The following KDF1 variants were observed in gnomAD, a reference collection of about 807,000 sequenced individuals.
The protein encoded by KDF1 is keratinocyte differentiation factor 1.
In KDF1, 11 loss-of-function variants were observed where a neutral mutation model predicts 31.6. The ratio of observed to expected loss-of-function variants is 0.35; its 90% CI spans 0.22 to 0.58. The LOEUF (loss-of-function observed/expected upper bound fraction) is 0.58. Ranked by LOEUF, KDF1 falls within the 20% of genes least tolerant of loss-of-function variation. The pLI, the probability that KDF1 is intolerant of heterozygous loss-of-function variation, is 0.83. For synonymous variants in KDF1, 205 were observed against 214.4 expected (o/e 0.96, Z 0.38); for missense variants, 476 against 549.1 (o/e 0.87, Z 1.33).
At chr1:26,955,890 G>A (rs1020719939) in intron 1 of KDF1, among the ~76,000 whole-genome samples, 2 of 152,222 alleles carry the variant, frequency 1.3e-5, no homozygotes, top group Non-Finnish European at 2.9e-5. Flanking sequence ...GGGAGGCGGA[G>A]GTTGCAGTGA....
At chr1:26,959,588 C>T (rs957245565) in intron 1 of KDF1, among the ~76,000 whole-genome samples, 2 of 152,104 alleles carry the variant, frequency 1.3e-5, no homozygotes, top group African/African-American at 4.8e-5. Flanking sequence ...TCTAAGGCAC[C>T]GCAAGGATGT....
chr1:26,955,640 A>C (rs1226966427), intron 1 of KDF1, among the ~76,000 whole-genome samples: 2 of 152,200 alleles, frequency 1.3e-5, no homozygotes, highest in Non-Finnish European at 1.5e-5. Context: ...ATGGTTTTGC[A>C]GGGAAAACAG....
At chr1:26,958,780 G>C (rs1019203449) in intron 1 of KDF1, among the ~76,000 whole-genome samples, 3 of 152,190 alleles carry the variant, frequency 2.0e-5, no homozygotes, top group Non-Finnish European at 2.9e-5. Flanking sequence ...GAGAGCCCAT[G>C]TTGGGAGCCC....
intron 1 of KDF1, among the ~76,000 whole-genome samples, chr1:26,959,631 C>T (rs1012642009): frequency 1.3e-5 from 2 of 151,974 alleles, no homozygotes; most frequent in African/African-American, 4.8e-5. Context: ...GCCCGCCCTC[C>T]CTGGATTTCT....
At chr1:26,953,012 A>C (rs1237179575) in intron 1 of KDF1, among the ~76,000 whole-genome samples, 1 of 152,020 alleles carries the variant, frequency 6.6e-6, no homozygotes, top group Admixed American at 6.6e-5. Flanking sequence ...AAAAGAAAAA[A>C]AGAAAGGTTG....
intron 1 of KDF1, among the ~76,000 whole-genome samples, chr1:26,954,011 A>C (rs2082365394): frequency 6.6e-6 from 1 of 151,892 alleles, no homozygotes; most frequent in Admixed American, 6.6e-5. Context: ...ACATCTCTAG[A>C]ATAGTCAAAT....
intron 1 of KDF1, among the ~76,000 whole-genome samples, chr1:26,957,934 C>A (rs2082384217): frequency 6.6e-6 from 1 of 151,782 alleles, no homozygotes. Context: ...CATGCCTCAG[C>A]CTCCTGAGTA....
In KDF1 at chr1:26,950,668, G is replaced by A. The variant is rs756665083; in HGVS notation, c.1114+14C>T. The stretch of plus-strand genomic sequence containing the variant: ...CCCCCACCCTCCACACCCCTCATTA[G>A]GTCAAGACCACACCTGGAGCTCCAT... On this transcript the variant is annotated intron_variant, in intron 3 of 3. Coordinates refer to ENST00000320567, the MANE Select transcript of KDF1 (RefSeq NM_152365.3). This position sits in a 1 kb window ranked among gnomAD's most constrained non-coding sequence, Gnocchi z 4.0. 3.2e-6 allele frequency: 5 copies of A among 1,586,008 alleles called. No homozygotes were observed. The highest frequency in any genetic ancestry group is 3.5e-6 in the Non-Finnish European group (4 of 1,154,704).
Position 26,951,913 on chromosome 1 carries a change from G to T in KDF1, c.468C>A (p.Gly156=), listed in dbSNP as rs957243169. Residue 156 remains glycine (G), a synonymous_variant, in exon 2 of 4, where the codon GGC becomes GGA. Coordinates refer to ENST00000320567, the MANE Select transcript of KDF1 (RefSeq NM_152365.3). This position sits in a 1 kb window ranked among gnomAD's most constrained non-coding sequence, Gnocchi z 5.4. ...TAACATCGGGGTAGCTGAAGCTGCT[G>T]CCCATGGTTGACTTGAGCCGCTGGC... The part of the protein sequence containing the change: ...RDGQRLKSTM[G]SSFSYPDVKL... The T allele has an allele frequency of 1.2e-6, 2 of 1,606,706 alleles. No individual in the cohort carries two copies. The highest frequency in any genetic ancestry group is 2.7e-5 in the African/African-American group (2 of 74,788).
intron 1 of KDF1, among the ~76,000 whole-genome samples, chr1:26,957,861 G>A (rs1017219748): frequency 6.6e-6 from 1 of 152,072 alleles, no homozygotes; most frequent in East Asian, 1.9e-4. Context: ...TGTCACCAAC[G>A]CTGGAGTGCA....
rs1193215684 is a variant in KDF1 at position 26,951,725 on chromosome 1, A to G, written c.656T>C (p.Phe219Ser). The G allele has an allele frequency of 1.2e-6, 2 of 1,613,784 alleles. No homozygotes were observed. Among genetic ancestry groups the G allele is most frequent in the Middle Eastern group, 1.6e-4 (1 of 6,084 alleles). The change falls in exon 2 of 4, where the codon TTC becomes TCC. Residue 219 changes from phenylalanine (F) to serine (S), a missense_variant. Around this residue, in one of 2 missense-constraint regions of KDF1, gnomAD observed 330 missense variants for 332.3 expected, o/e 0.99. Transcript: ENST00000320567. This position sits in a 1 kb window ranked among gnomAD's most constrained non-coding sequence, Gnocchi z 5.4. The stretch of plus-strand genomic sequence containing the variant: ...CGGCAGGTCCAGGTCCGACTCATGG[A>G]AAGAATAGTACTCCTCGGAGCCACG... ...SPRGSEEYYS[F>S]HESDLDLPEM...
intron 1 of KDF1, among the ~76,000 whole-genome samples, chr1:26,958,646 C>A (rs1202041290): frequency 6.6e-6 from 1 of 152,158 alleles, no homozygotes; most frequent in Non-Finnish European, 1.5e-5. Flanking sequence ...TGTCCAAAGC[C>A]ATACATCTAT....
In KDF1 at chr1:26,952,899, G is replaced by A. The variant is rs2082359473; in HGVS notation, c.-32-487C>T. ...CTTGGGAGGCTGAGGCAGGAGAATC[G>A]CTTGAACCCGGGTGGCAGAGGTTGC... On this transcript the variant is annotated intron_variant, in intron 1 of 3. Transcript: ENST00000320567. The surrounding 1 kb of genome is among the most constrained non-coding windows in gnomAD (Gnocchi z 4.1). Among the ~76,000 whole-genome samples, 1 of 151,882 alleles carries A rather than the reference G, an allele frequency of 6.6e-6. No individual in the cohort carries two copies. Among genetic ancestry groups the A allele is most frequent in the Non-Finnish European group, 1.5e-5 (1 of 67,948 alleles).
Position 26,950,078 on chromosome 1 carries a change from C to T in KDF1, c.1188G>A (p.Val396=), listed in dbSNP as rs562989776. 40 of 1,613,750 alleles carry T rather than the reference C, an allele frequency of 2.5e-5. No individual in the cohort carries two copies. In the South Asian group the frequency reaches 3.8e-4, roughly 16 times the overall value. Residue 396 remains valine, a synonymous_variant, in exon 4 of 4, where the codon GTG becomes GTA. Transcript: ENST00000320567. This position sits in a 1 kb window ranked among gnomAD's most constrained non-coding sequence, Gnocchi z 4.0. ...TDSSGAPLLQ[V]YC is the part of the protein sequence containing the mutation. ...CTGGGCCTGGCAGGGGTTAGCAGTACACCTGGAGCAAGGGTGCCCCCGACG... is the reference window on the plus strand; with the variant it reads ...CTGGGCCTGGCAGGGGTTAGCAGTATACCTGGAGCAAGGGTGCCCCCGACG...
At position 26,950,313 on chromosome 1, in the gene KDF1, G is replaced by A. The variant is rs763982830; in HGVS notation, c.1115-162C>T. The stretch of plus-strand genomic sequence containing the variant: ...CCACTCAGTTTATTGACCTCTCTGA[G>A]CCCTAGCCTCCCTTTCTGTAAAAGG... On this transcript the variant is annotated intron_variant, in intron 3 of 3. Coordinates refer to ENST00000320567, the MANE Select transcript of KDF1 (RefSeq NM_152365.3). This position sits in a 1 kb window ranked among gnomAD's most constrained non-coding sequence, Gnocchi z 4.0. Among the ~76,000 whole-genome samples the A allele has an allele frequency of 1.1e-4, 16 of 152,158 alleles. No homozygotes were observed. Among genetic ancestry groups the A allele is most frequent in the Non-Finnish European group, 2.1e-4 (14 of 68,030 alleles).
chr1:26,959,479 T>G (rs1439273216), intron 1 of KDF1, among the ~76,000 whole-genome samples: 2 of 152,104 alleles, frequency 1.3e-5, no homozygotes, highest in African/African-American at 2.4e-5. Flanking sequence ...GACTAGTATC[T>G]TCATGCCCCG....
rs1178922495 is a variant in KDF1, at chr1:26,949,902, C to CCCAGTGAAATGCACATGGT, written c.*148_*166dup. 3.2e-6 allele frequency: 2 copies of CCCAGTGAAATGCACATGGT among 616,028 alleles called. No individual in the cohort carries two copies. Among genetic ancestry groups the CCCAGTGAAATGCACATGGT allele is most frequent in the African/African-American group, 1.8e-5 (1 of 54,142 alleles). 38.2% of individuals were successfully genotyped at this position (616,028 alleles called of 1,614,324 possible). ...ATGCAAGGAGATGTAGATCCCATGG[C>CCCAGTGAAATGCACATGGT]CCAGTGAAATGCACATGGTCCAGGA... On this transcript the variant is annotated 3_prime_UTR_variant, in exon 4 of 4. Coordinates refer to ENST00000320567, the MANE Select transcript of KDF1 (RefSeq NM_152365.3).
chr1:26,958,449 T>C (rs2082387167), intron 1 of KDF1, among the ~76,000 whole-genome samples: 1 of 152,152 alleles, frequency 6.6e-6, no homozygotes, highest in Non-Finnish European at 1.5e-5. Flanking sequence ...TTCTAAATTC[T>C]ATGGATAAAG....
chr1:26,956,664 T>C (rs559202740), intron 1 of KDF1, among the ~76,000 whole-genome samples: 1 of 152,320 alleles, frequency 6.6e-6, no homozygotes, highest in Non-Finnish European at 1.5e-5. Context: ...TTGGATAATG[T>C]GAATAACTGG....
Sources: allele counts gnomAD v4.1 joint callset (sites outside exome capture counted in the v4.1 genomes callset), GRCh38; gene constraint gnomAD v4.1.1; regional missense constraint gnomAD v4.1.1; non-coding constraint Gnocchi (gnomAD v3.1); transcripts MANE v1.5; gene names NCBI Gene and HGNC (gene_info 2026-07-23, HGNC 2026-07-21).